ABHD12: variants seen among roughly 807,000 people sequenced by gnomAD.
ABHD12 encodes the protein lysophosphatidylserine lipase ABHD12.
A neutral mutation model predicts 58.3 loss-of-function variants in ABHD12; 43 were observed. The observed-to-expected ratio is 0.74, with a 90% CI of 0.58 to 0.95. The LOEUF (loss-of-function observed/expected upper bound fraction) is 0.95, where lower values mean the gene tolerates loss of function less well. ABHD12 is among the 40% of genes least tolerant of loss of function. The probability of loss-of-function intolerance (pLI) is 0.00; values close to 1 mark genes in which losing one functional copy is unlikely to be tolerated. For missense variants in ABHD12, 539 were observed against 537.2 expected, an observed-to-expected ratio of 1.00 and a Z score of -0.03; for synonymous variants, 219 against 211.2, an observed-to-expected ratio of 1.04 and a Z score of -0.32.
intron 2 of ABHD12, among the ~76,000 whole-genome samples, chr20:25,331,149 G>A (rs1340370774): frequency 1.2e-4 from 18 of 152,186 alleles, no homozygotes; most frequent in Admixed American, 5.2e-4. Flanking sequence ...ACCAAGGCTC[G>A]AGAACTACGT....
At chr20:25,351,748 A>T (rs1034243308) in intron 1 of ABHD12, among the ~76,000 whole-genome samples, 1 of 152,092 alleles carries the variant, frequency 6.6e-6, no homozygotes, top group Non-Finnish European at 1.5e-5. Flanking sequence ...CTAAAAATAC[A>T]AAATTAGCAG....
At chr20:25,371,221 G>A (rs1019653950) in intron 1 of ABHD12, among the ~76,000 whole-genome samples, 3 of 152,132 alleles carry the variant, frequency 2.0e-5, no homozygotes, top group African/African-American at 4.8e-5. Flanking sequence ...GAGTGTCTAT[G>A]TCCCCTCTCG....
In ABHD12 at chr20:25,379,331, TGAGA is replaced by T. The variant is rs906651552; in HGVS notation, c.191+11178_191+11181del. Among the ~76,000 whole-genome samples, 9 of 152,156 alleles carry T rather than the reference TGAGA, an allele frequency of 5.9e-5. No individual in the cohort carries two copies. The South Asian group carries it at 8.3e-4, about 14-fold the overall frequency. On this transcript the variant is annotated intron_variant, in intron 1 of 12. Transcript: ENST00000339157. ...CTCAGACTGCGCCCACGTGGGGAACTGAGAGAGAGAGGCCCAGTACCTCCTTTTC... is the reference window on the plus strand; with the variant it reads ...CTCAGACTGCGCCCACGTGGGGAACTGAGAGAGGCCCAGTACCTCCTTTTC...
At chr20:25,296,746 T>C, downstream of ABHD12, 1 of 610,740 alleles carries the variant, frequency 1.6e-6, no homozygotes, top group Non-Finnish European at 2.7e-6. Context: ...GAGTTGACAG[T>C]ACAAAGGGTC....
chr20:25,319,340 A>G (rs563082662), intron 4 of ABHD12, among the ~76,000 whole-genome samples: 8 of 152,372 alleles, frequency 5.3e-5, no homozygotes, highest in Admixed American at 2.0e-4. Flanking sequence ...ACTCAGGAAA[A>G]GCATCTGAGA....
At chr20:25,384,652 C>T (rs949838037) in intron 1 of ABHD12, among the ~76,000 whole-genome samples, 3 of 152,018 alleles carry the variant, frequency 2.0e-5, no homozygotes, top group South Asian at 2.1e-4. Context: ...GGCTGAGGTG[C>T]GAAGACCATT....
chr20:25,296,682 A>G (rs1276356760), downstream of ABHD12: 3 of 924,594 alleles, frequency 3.2e-6, no homozygotes, highest in Non-Finnish European at 4.7e-6. Flanking sequence ...TTGAGAGAGC[A>G]GGGTAAGGAA....
At chr20:25,294,953 G>T in exon 13 of ABHD12, 1 of 1,613,958 alleles carries the variant, frequency 6.2e-7, no homozygotes, top group Non-Finnish European at 8.5e-7. Context: ...TTCGATGACC[G>T]TGTCACCTGT....
chr20:25,317,053 A>G lies in ABHD12; in HGVS notation c.568T>C (p.Tyr190His). 1 of 1,613,124 alleles carries G rather than the reference A, an allele frequency of 6.2e-7. No homozygotes were observed. Among genetic ancestry groups the G allele is most frequent in the Non-Finnish European group, 8.5e-7 (1 of 1,179,694 alleles). ...TGGGTGCTGCCTGCACTCACCTTGTAAAGCTCCACGCGGTGGTCGCCTCCT... is the reference window on the plus strand; with the variant it reads ...TGGGTGCTGCCTGCACTCACCTTGTGAAGCTCCACGCGGTGGTCGCCTCCT... The part of the protein sequence containing the change: ...TRGGDHRVEL[Y>H]KVLSSLGYHV... The change falls in exon 5 of 13, where the codon TAC (tyrosine) becomes CAC (histidine). Residue 190 changes from tyrosine (Y) to histidine (H), a missense_variant. Tyr to His is a moderately conservative substitution (Grantham distance 83). Coordinates refer to ENST00000339157, the MANE Select transcript of ABHD12 (RefSeq NM_001042472.3).
downstream of ABHD12, chr20:25,296,248 C>T: frequency 8.1e-7 from 1 of 1,230,186 alleles, no homozygotes; most frequent in African/African-American, 1.5e-5. Context: ...TCCTCCTCTT[C>T]CAGCGGATGG....
intron 1 of ABHD12, among the ~76,000 whole-genome samples, chr20:25,381,004 A>G (rs1474708059): frequency 9.2e-5 from 14 of 152,168 alleles, no homozygotes; most frequent in Non-Finnish European, 1.8e-4. Context: ...CCAGAATCAC[A>G]TGCCTCTTCT....
intron 1 of ABHD12, among the ~76,000 whole-genome samples, chr20:25,375,173 T>C (rs532948362): frequency 6.6e-6 from 1 of 152,298 alleles, no homozygotes; most frequent in East Asian, 1.9e-4. Flanking sequence ...AGGGGCCTCA[T>C]GAGAAACCAG....
chr20:25,303,627 C>T lies in ABHD12; in HGVS notation c.952G>A (p.Val318Met), dbSNP rs201220878. ...SGIKFANDEN[V>M]KHISCPLLIL... The stretch of plus-strand genomic sequence containing the variant: ...AGCAGGGGACAGGAGATGTGCTTCA[C>T]GCTGTAGGAGGGAGAAGGGGCTAGA... The change falls in exon 11 of 13, where the codon GTG becomes ATG. Residue 318 changes from valine to methionine, a missense_variant and splice_region_variant. Physicochemically the swap from Val to Met is conservative, Grantham distance 21. Coordinates refer to ENST00000339157, the MANE Select transcript of ABHD12 (RefSeq NM_001042472.3). 1.5e-4 allele frequency: 234 copies of T among 1,613,580 alleles called. 1 individual carries two copies. Among genetic ancestry groups the T allele is most frequent in the East Asian group, 1.1e-3 (50 of 44,878 alleles).
At chr20:25,302,141 C>G in intron 12 of ABHD12, 78 bp downstream of exon 12, 1 of 1,600,704 alleles carries the variant, frequency 6.2e-7, no homozygotes, top group Non-Finnish European at 8.5e-7. Flanking sequence ...GCAGCTTCAG[C>G]AGCTGCCACC....
downstream of ABHD12, among the ~76,000 whole-genome samples, chr20:25,299,569 T>TGAA (rs2088601327): frequency 6.6e-6 from 1 of 151,784 alleles, no homozygotes; most frequent in Non-Finnish European, 1.5e-5. Context: ...GGTCAGGAGC[T>TGAA]GAAGTGTGCG....
chr20:25,368,366 C>A, intron 1 of ABHD12: 1 of 1,567,104 alleles, frequency 6.4e-7, no homozygotes, highest in Non-Finnish European at 8.7e-7. Context: ...AATATTCTTG[C>A]CTTCTTTCGC....
downstream of ABHD12, among the ~76,000 whole-genome samples, chr20:25,296,090 C>T (rs2088538955): frequency 6.6e-6 from 1 of 152,168 alleles, no homozygotes; most frequent in South Asian, 2.1e-4. Flanking sequence ...TTACCTGGTG[C>T]TATCCCTATC....
At chr20:25,334,355 A>G (rs1237494216) in intron 2 of ABHD12, among the ~76,000 whole-genome samples, 1 of 150,170 alleles carries the variant, frequency 6.7e-6, no homozygotes, top group African/African-American at 2.4e-5. Context: ...GGAAGAATCA[A>G]TATCGTGAAA....
At chr20:25,369,243 A>G (rs2089866719) in intron 1 of ABHD12, among the ~76,000 whole-genome samples, 2 of 152,178 alleles carry the variant, frequency 1.3e-5, no homozygotes, top group Non-Finnish European at 2.9e-5. Flanking sequence ...TAAGTCATCT[A>G]TCCGTCTTTA....
Sources: gnomAD v4.1 joint callset for allele counts (sites outside exome capture counted in the v4.1 genomes callset) on GRCh38, gnomAD v4.1.1 for gene constraint, MANE v1.5 for transcripts, NCBI Gene and HGNC (gene_info 2026-07-23, HGNC 2026-07-21) for gene names.